The following NRXN3 variants were observed in gnomAD, a reference collection of about 807,000 sequenced individuals.
NRXN3 encodes neurexin 3.
NRXN3 carries 32 observed loss-of-function variants against 137.6 expected under a neutral mutation model. That is an observed-to-expected ratio of 0.23 (90% CI 0.18 to 0.31). The LOEUF (loss-of-function observed/expected upper bound fraction) is 0.31. Among genes scored for constraint, NRXN3 ranks in the 10% least tolerant of loss-of-function variants. The pLI is 1.00. For synonymous variants in NRXN3, 798 were observed against 784.5 expected (o/e 1.02, Z -0.29); for missense variants, 1,574 against 2,062.5 (o/e 0.76, Z 4.59).
Position 79,861,143 on chromosome 14 carries a change from C to T in NRXN3, c.4094-199C>T, listed in dbSNP as rs2099413224. ...ACTCCCCCCTACCTTTCGCCCCCTC[C>T]TCACCATTATTGAGACCACCAAAGA... On this transcript the variant is annotated intron_variant, in intron 20 of 20. Transcript: ENST00000335750. The surrounding 1 kb of genome is among the most constrained non-coding windows in gnomAD (Gnocchi z 5.4). 6.6e-7 allele frequency: 1 copy of T among 1,519,426 alleles called. No individual in the cohort carries two copies. The highest frequency in any genetic ancestry group is 8.8e-7 in the Non-Finnish European group (1 of 1,138,750). 94.1% of individuals were successfully genotyped at this position (1,519,426 alleles called of 1,614,324 possible). A position where few individuals can be genotyped will look rare whatever the true frequency, so the allele number is the denominator to read the frequency against.
At chr14:78,908,192 A>G (rs1030690807) in intron 10 of NRXN3, among the ~76,000 whole-genome samples, 4 of 152,108 alleles carry the variant, frequency 2.6e-5, no homozygotes, top group Middle Eastern at 3.2e-3. Flanking sequence ...GTGGCTTAAC[A>G]TCTTTACTAA....
At chr14:79,640,459 T>G (rs912781438) in intron 16 of NRXN3, among the ~76,000 whole-genome samples, 2 of 135,722 alleles carry the variant, frequency 1.5e-5, no homozygotes, top group African/African-American at 4.9e-5. Flanking sequence ...AGAAACACTT[T>G]TTGCACCATG....
intron 15 of NRXN3, among the ~76,000 whole-genome samples, chr14:79,017,667 A>C (rs1013487433): frequency 6.6e-6 from 1 of 152,142 alleles, no homozygotes; most frequent in African/African-American, 2.4e-5. Context: ...TGCTATATAT[A>C]TAATGAGGGA....
At chr14:79,201,759 C>G (rs763344971) in intron 15 of NRXN3, 3 of 152,162 alleles carry the variant, frequency 2.0e-5, no homozygotes, top group Non-Finnish European at 4.4e-5. Flanking sequence ...CTGATTTAAG[C>G]CAAAATAGTA....
intron 16 of NRXN3, among the ~76,000 whole-genome samples, chr14:79,634,856 C>A (rs780275827): frequency 6.6e-6 from 1 of 152,168 alleles, no homozygotes; most frequent in Non-Finnish European, 1.5e-5. Context: ...GTAATCATTA[C>A]ACTACTCTGT....
intron 4 of NRXN3, among the ~76,000 whole-genome samples, chr14:78,640,282 T>G (rs1195223320): frequency 1.3e-5 from 2 of 152,240 alleles, no homozygotes; most frequent in Non-Finnish European, 2.9e-5. Flanking sequence ...AGTTCAAATG[T>G]ATTTCTAAAA....
intron 8 of NRXN3, among the ~76,000 whole-genome samples, chr14:78,761,077 A>G (rs771713687): frequency 6.6e-6 from 1 of 152,218 alleles, no homozygotes; most frequent in South Asian, 2.1e-4. Context: ...ATAGAATGCC[A>G]TATCTAGAAC....
chr14:78,472,916 C>CTTT (rs11407621), intron 4 of NRXN3, among the ~76,000 whole-genome samples: 7 of 140,398 alleles, frequency 5.0e-5, no homozygotes, highest in African/African-American at 7.8e-5. Context: ...GAGAAAATGT[C>CTTT]TTTTTTTTTT....
At chr14:78,539,644 T>C (rs1473853761) in intron 4 of NRXN3, among the ~76,000 whole-genome samples, 1 of 152,214 alleles carries the variant, frequency 6.6e-6, no homozygotes, top group Non-Finnish European at 1.5e-5. Context: ...TCTCTTGCCT[T>C]CTGCTAACTT....
intron 15 of NRXN3, among the ~76,000 whole-genome samples, chr14:79,180,758 T>G (rs1178452011): frequency 6.6e-6 from 1 of 152,058 alleles, no homozygotes; most frequent in Admixed American, 6.6e-5. Context: ...AAATTGATAA[T>G]AATAATAAAT....
intron 15 of NRXN3, among the ~76,000 whole-genome samples, chr14:79,245,843 C>T (rs746414911): frequency 1.3e-5 from 2 of 152,048 alleles, no homozygotes; most frequent in Non-Finnish European, 2.9e-5. Context: ...TACTGTTCAT[C>T]ACACAGAAAC....
rs1204698395 is a variant in NRXN3, at chr14:78,979,666, A to T, written c.3143-8356A>T. 2.6e-5 allele frequency among the ~76,000 whole-genome samples: 4 copies of T among 152,312 alleles called. No individual in the cohort carries two copies. The East Asian group carries it at 7.7e-4, about 29-fold the overall frequency. ...CTGTTCTCATGCTGCTAATAAAAAT[A>T]TACCCAAGACTGAGTAATTTATAAA... On this transcript the variant is annotated intron_variant, in intron 14 of 20. Transcript: ENST00000335750.
intron 4 of NRXN3, among the ~76,000 whole-genome samples, chr14:78,521,495 G>T (rs1386741091): frequency 6.6e-6 from 1 of 152,162 alleles, no homozygotes. Flanking sequence ...ATGCAGAAGT[G>T]CTCTGCCTGA....
intron 10 of NRXN3, among the ~76,000 whole-genome samples, chr14:78,854,632 A>G (rs2099051802): frequency 6.6e-6 from 1 of 152,216 alleles, no homozygotes; most frequent in Non-Finnish European, 1.5e-5. Context: ...GAGTGTGTAT[A>G]ATAGAGGCTA....
At chr14:78,611,415 T>C (rs2097299597) in intron 4 of NRXN3, among the ~76,000 whole-genome samples, 1 of 151,192 alleles carries the variant, frequency 6.6e-6, no homozygotes, top group Non-Finnish European at 1.5e-5. Flanking sequence ...TTGTACTTCC[T>C]TTCCCTCCTC....
intron 14 of NRXN3, among the ~76,000 whole-genome samples, chr14:78,981,462 A>G (rs983321208): frequency 2.0e-5 from 3 of 152,168 alleles, no homozygotes; most frequent in African/African-American, 4.8e-5. Flanking sequence ...TTTGGGGAAA[A>G]TTATGCAACT....
At chr14:79,767,757 A>AG (rs1309638581) in intron 19 of NRXN3, among the ~76,000 whole-genome samples, 2 of 152,162 alleles carry the variant, frequency 1.3e-5, no homozygotes, top group African/African-American at 2.4e-5. Context: ...ATTAGAAATC[A>AG]GGGGGGAGGA....
chr14:78,399,637 A>C (rs2091860214), intron 4 of NRXN3, among the ~76,000 whole-genome samples: 2 of 152,162 alleles, frequency 1.3e-5, no homozygotes, highest in Non-Finnish European at 2.9e-5. Context: ...TCCATACTCA[A>C]TGTCTAACTG....
At chr14:79,493,578 G>A (rs1235112804) in intron 16 of NRXN3, among the ~76,000 whole-genome samples, 1 of 152,158 alleles carries the variant, frequency 6.6e-6, no homozygotes, top group African/African-American at 2.4e-5. Flanking sequence ...TCATCTTAAA[G>A]CTAGTTTACA....
Sources: allele counts gnomAD v4.1 joint callset (sites outside exome capture counted in the v4.1 genomes callset), GRCh38; gene constraint gnomAD v4.1.1; non-coding constraint Gnocchi (gnomAD v3.1); transcripts MANE v1.5; gene names NCBI Gene and HGNC (gene_info 2026-07-23, HGNC 2026-07-21).